PTPN5: variants seen among roughly 807,000 people sequenced by gnomAD.
PTPN5 encodes the protein protein tyrosine phosphatase non-receptor type 5.
PTPN5 carries 29 observed loss-of-function variants against 73.9 expected under a neutral mutation model. That is an observed-to-expected ratio of 0.39 (90% CI 0.29 to 0.54). The LOEUF is 0.54. PTPN5 is among the 20% of genes least tolerant of loss of function. The pLI is 0.65. For missense variants in PTPN5, 652 were observed against 751.4 expected (o/e 0.87, Z 1.55); for synonymous variants, 267 against 304.7 (o/e 0.88, Z 1.29).
intron 1 of PTPN5, among the ~76,000 whole-genome samples, chr11:18,774,447 C>T (rs1402409617): frequency 6.6e-6 from 1 of 152,136 alleles, no homozygotes; most frequent in African/African-American, 2.4e-5. Flanking sequence ...GCTGGGCCTG[C>T]AGGTGTCTGT....
At chr11:18,771,912 A>AG in intron 2 of PTPN5, 27 bp downstream of exon 2, 1 of 1,598,370 alleles carries the variant, frequency 6.3e-7, no homozygotes, top group Non-Finnish European at 8.5e-7. Flanking sequence ...GGCGGGTTGC[A>AG]GGGGGACGGC....
Position 18,755,760 on chromosome 11 carries a change from C to T in PTPN5, c.97+10047G>A, listed in dbSNP as rs979766099. ...GTGGCTCACTCCCGTAATCCCAGCA[C>T]TTTGGGAGGCCGAGGCGGGCAGATC... On this transcript the variant is annotated intron_variant, in intron 3 of 14. Transcript: ENST00000358540. Among the ~76,000 whole-genome samples the T allele has an allele frequency of 1.1e-4, 17 of 152,228 alleles. No individual in the cohort carries two copies. The East Asian group carries it at 3.1e-3, about 28-fold the overall frequency.
chr11:18,764,722 G>GT (rs1435221816), intron 3 of PTPN5, among the ~76,000 whole-genome samples: 4 of 151,566 alleles, frequency 2.6e-5, no homozygotes, highest in Non-Finnish European at 4.4e-5. Context: ...GTTTTGTTTT[G>GT]TTTTTTTGGA....
intron 3 of PTPN5, chr11:18,749,367 C>T: frequency 1.9e-6 from 1 of 518,736 alleles, no homozygotes; most frequent in Non-Finnish European, 3.8e-6. Context: ...TAAGTGCAGA[C>T]CTGAGATTCA....
At chr11:18,762,728 G>A (rs1342915696) in intron 3 of PTPN5, among the ~76,000 whole-genome samples, 2 of 152,126 alleles carry the variant, frequency 1.3e-5, no homozygotes, top group African/African-American at 2.4e-5. Context: ...TAAGCTTTCT[G>A]TTAATTCACT....
chr11:18,740,809 AG>A lies in PTPN5; in HGVS notation c.726-18del. 1 of 1,474,430 alleles carries A rather than the reference AG, an allele frequency of 6.8e-7. No homozygotes were observed. The highest frequency in any genetic ancestry group is 9.1e-7 in the Non-Finnish European group (1 of 1,103,210). 91.3% of individuals were successfully genotyped at this position (1,474,430 alleles called of 1,614,324 possible). A position where few individuals can be genotyped will look rare whatever the true frequency, so the allele number is the denominator to read the frequency against. ...GAACCCCTCCTGGAAGGACCAGGAA[AG>A]GGAGTGTGAGCCTCAGGGGCAGAGG... On this transcript the variant is annotated intron_variant, in intron 7 of 14. Coordinates refer to ENST00000358540, the MANE Select transcript of PTPN5 (RefSeq NM_006906.2).
intron 1 of PTPN5, among the ~76,000 whole-genome samples, chr11:18,775,817 A>C (rs10734264): frequency 6.6e-6 from 1 of 152,132 alleles, no homozygotes; most frequent in African/African-American, 2.4e-5. Flanking sequence ...CTTCAATTCC[A>C]GGCCTGTCAG....
rs778372481 is a variant in PTPN5 at position 18,732,685 on chromosome 11, C to G, written c.1236G>C (p.Trp412Cys). 7 of 1,613,732 alleles carry G rather than the reference C, an allele frequency of 4.3e-6. No homozygotes were observed. Among genetic ancestry groups the G allele is most frequent in the Non-Finnish European group, 5.9e-6 (7 of 1,180,026 alleles). ...CGTCGTACGCCACCTGCTCCTCCGG[C>G]CAATACTCGGTGCATTTCTGCAGGG... ...EEMNEKCTEYWPEEQVAYDGV... is the reference protein window; with the variant it reads ...EEMNEKCTEYCPEEQVAYDGV... The change falls in exon 12 of 15, where the codon TGG (tryptophan) becomes TGC (cysteine). Residue 412 changes from tryptophan (W) to cysteine (C), a missense_variant. Trp to Cys is a radical substitution (Grantham distance 215). This residue lies in a region of PTPN5 where 529 missense variants were observed against 573.9 expected (regional missense o/e 0.92). Coordinates refer to ENST00000358540, the MANE Select transcript of PTPN5 (RefSeq NM_006906.2).
intron 1 of PTPN5, among the ~76,000 whole-genome samples, chr11:18,783,690 T>C (rs1851544734): frequency 6.6e-6 from 1 of 152,232 alleles, no homozygotes; most frequent in Non-Finnish European, 1.5e-5. Flanking sequence ...GAGCCTAGAA[T>C]GCATCAGTAC....
chr11:18,773,785 C>A (rs1265673993), intron 1 of PTPN5, among the ~76,000 whole-genome samples: 3 of 152,174 alleles, frequency 2.0e-5, no homozygotes, highest in Non-Finnish European at 4.4e-5. Context: ...AGGAGACCAG[C>A]CAAAAAGGTG....
chr11:18,753,785 G>A (rs1386121644), intron 3 of PTPN5, among the ~76,000 whole-genome samples: 1 of 152,202 alleles, frequency 6.6e-6, no homozygotes, highest in East Asian at 1.9e-4. Context: ...CATGGCTGGG[G>A]AGCTGGTGGG....
intron 3 of PTPN5, among the ~76,000 whole-genome samples, chr11:18,755,716 C>CT (rs1426155966): frequency 6.6e-6 from 1 of 152,030 alleles, no homozygotes; most frequent in Non-Finnish European, 1.5e-5. Context: ...AAAAGATGAT[C>CT]TTTTTTGGGC....
chr11:18,744,608 C>G (rs1163337841), intron 3 of PTPN5, among the ~76,000 whole-genome samples: 3 of 152,022 alleles, frequency 2.0e-5, no homozygotes, highest in Admixed American at 6.5e-5. Context: ...CCACCCATGC[C>G]TGCCCTGTGG....
At position 18,737,964 on chromosome 11, in the gene PTPN5, C is replaced by T. The variant is rs724159937; in HGVS notation, c.916G>A (p.Glu306Lys). Residue 306 changes from glutamate (E) to lysine (K), a missense_variant and splice_region_variant, in exon 9 of 15, where the codon GAA becomes AAA. Glu to Lys is a moderately conservative substitution (Grantham distance 56). Transcript: ENST00000358540. ...GGATCCACAAAGTTCATGGGGATTT[C>T]CTGTGGAAGGAGGACACGGGGTGTG... ...DPFLLQAEFF[E>K]IPMNFVDPKE... The T allele has an allele frequency of 6.2e-7, 1 of 1,614,040 alleles. No homozygotes were observed. The highest frequency in any genetic ancestry group is 8.5e-7 in the Non-Finnish European group (1 of 1,179,888).
At chr11:18,745,485 A>G (rs1368143816) in intron 3 of PTPN5, among the ~76,000 whole-genome samples, 2 of 152,178 alleles carry the variant, frequency 1.3e-5, no homozygotes, top group South Asian at 2.1e-4. Context: ...CCCGCCCCCT[A>G]TGCTTTGACA....
chr11:18,744,168 C>G lies in PTPN5; in HGVS notation c.129G>C (p.Leu43=). The G allele has an allele frequency of 5.0e-6, 8 of 1,587,336 alleles. No individual in the cohort carries two copies. The highest frequency in any genetic ancestry group is 6.0e-6 in the Non-Finnish European group (7 of 1,169,286). ...AGTCCTGGAGCCCTTCAGCCTCGTC[C>G]AGTGCCTCCATCACTATCGGCTGGG... The part of the protein sequence containing the change: ...GLPQPIVMEA[L]DEAEGLQDSQ... Residue 43 remains leucine, a synonymous_variant, in exon 4 of 15, where the codon CTG becomes CTC. Coordinates refer to ENST00000358540, the MANE Select transcript of PTPN5 (RefSeq NM_006906.2).
At chr11:18,776,210 C>T (rs148997200) in intron 1 of PTPN5, among the ~76,000 whole-genome samples, 8 of 152,266 alleles carry the variant, frequency 5.3e-5, no homozygotes, top group Non-Finnish European at 1.2e-4. Flanking sequence ...TTCTTGTGGG[C>T]GTCTTCTGGT....
intron 1 of PTPN5, among the ~76,000 whole-genome samples, chr11:18,775,863 A>C (rs1387700811): frequency 1.3e-5 from 2 of 152,162 alleles, no homozygotes; most frequent in Non-Finnish European, 2.9e-5. Flanking sequence ...GCAGTGAACC[A>C]GCAGAGGGCG....
intron 5 of PTPN5, 80 bp downstream of exon 5, chr11:18,743,242 C>G: frequency 7.1e-7 from 1 of 1,412,900 alleles, no homozygotes; most frequent in South Asian, 1.2e-5. Context: ...CAGAGAAGCC[C>G]AATCTGGAGG....
Sources: gnomAD v4.1 joint callset for allele counts (sites outside exome capture counted in the v4.1 genomes callset) on GRCh38, gnomAD v4.1.1 for gene constraint, gnomAD v4.1.1 regional missense constraint, MANE v1.5 for transcripts, NCBI Gene and HGNC (gene_info 2026-07-23, HGNC 2026-07-21) for gene names.